The following WWOX variants were observed in gnomAD, a reference collection of about 807,000 sequenced individuals.
The protein encoded by WWOX is WW domain-containing oxidoreductase.
A neutral mutation model predicts 46.2 loss-of-function variants in WWOX; 69 were observed. The ratio of observed to expected loss-of-function variants is 1.49; its 90% confidence interval spans 1.23 to 1.82. The LOEUF is 1.82. Ranked by LOEUF, WWOX falls within the 40% of genes most tolerant of loss-of-function variation. The pLI is 0.00. For missense variants in WWOX, 919 were observed against 542.6 expected (o/e 1.69, Z -6.89); for synonymous variants, 359 against 202.6 (o/e 1.77, Z -6.56).
At chr16:78,791,500 TG>T (rs1421744769) in intron 8 of WWOX, among the ~76,000 whole-genome samples, 5 of 152,190 alleles carry the variant, frequency 3.3e-5, no homozygotes, top group African/African-American at 1.2e-4. Context: ...GTCGTGGTCT[TG>T]GCCTTTCTCT....
chr16:78,511,978 A>T (rs2085373214), intron 8 of WWOX, among the ~76,000 whole-genome samples: 1 of 152,234 alleles, frequency 6.6e-6, no homozygotes, highest in African/African-American at 2.4e-5. Context: ...TCATAGATCC[A>T]CTTTACATAT....
intron 8 of WWOX, among the ~76,000 whole-genome samples, chr16:78,806,540 T>G (rs943216272): frequency 7.9e-5 from 12 of 152,022 alleles, no homozygotes; most frequent in African/African-American, 2.9e-4. Context: ...TGCTGACTGG[T>G]GGGTGGGACC....
chr16:79,154,158 T>C (rs2050335412), intron 8 of WWOX, among the ~76,000 whole-genome samples: 4 of 152,188 alleles, frequency 2.6e-5, no homozygotes, highest in South Asian at 2.1e-4. Flanking sequence ...GTATGAAAAA[T>C]AGGCAACTTG....
chr16:78,336,247 C>A (rs1007520703), intron 5 of WWOX, among the ~76,000 whole-genome samples: 5 of 149,182 alleles, frequency 3.4e-5, no homozygotes, highest in Admixed American at 3.3e-4. Flanking sequence ...CTGAGGCAGG[C>A]AGATCACCTG....
Position 78,296,740 on chromosome 16 carries a change from A to G in WWOX, c.517-90120A>G, listed in dbSNP as rs1185066487. Among the ~76,000 whole-genome samples the G allele has an allele frequency of 2.0e-5, 3 of 152,128 alleles. No individual in the cohort carries two copies. In the East Asian group the frequency reaches 5.8e-4, roughly 29 times the overall value. ...CAGGGAGCTGCTGTTGTGTTTGTGCATTGTACAGCAATTCATATCTAAAAA... is the reference window on the plus strand; with the variant it reads ...CAGGGAGCTGCTGTTGTGTTTGTGCGTTGTACAGCAATTCATATCTAAAAA... On this transcript the variant is annotated intron_variant, in intron 5 of 8. Transcript: ENST00000566780.
At chr16:78,631,658 C>G (rs571814782) in intron 8 of WWOX, among the ~76,000 whole-genome samples, 3 of 151,732 alleles carry the variant, frequency 2.0e-5, no homozygotes, top group Admixed American at 2.0e-4. Flanking sequence ...CTTGCCTCAG[C>G]CCTCCAAGTA....
intron 8 of WWOX, among the ~76,000 whole-genome samples, chr16:78,532,965 A>G (rs1322092762): frequency 6.6e-6 from 1 of 152,230 alleles, no homozygotes; most frequent in Non-Finnish European, 1.5e-5. Context: ...AAGCAAGAGT[A>G]GGAGGGAACA....
chr16:78,732,446 C>G (rs967772730), intron 8 of WWOX, among the ~76,000 whole-genome samples: 6 of 152,178 alleles, frequency 3.9e-5, no homozygotes, highest in African/African-American at 1.4e-4. Context: ...ACTGAGCCCT[C>G]AGATGATTCC....
chr16:79,212,221 G>GAACACTTGCTT lies in WWOX; in HGVS notation c.*425_*426insAACACTTGCTT. The stretch of plus-strand genomic sequence containing the variant: ...CCTACTTAGGGAAGAAAAAGCAAGT[G>GAACACTTGCTT]TTCACTGCTCCTTGCTGCATTGATC... On this transcript the variant is annotated 3_prime_UTR_variant, in exon 9 of 9. Coordinates refer to ENST00000566780, the MANE Select transcript of WWOX (RefSeq NM_016373.4). 1 of 1,403,558 alleles carries GAACACTTGCTT rather than the reference G, an allele frequency of 7.1e-7. No homozygotes were observed. Among genetic ancestry groups the GAACACTTGCTT allele is most frequent in the Non-Finnish European group, 9.4e-7 (1 of 1,068,026 alleles). The allele number at this position is 1,403,558 out of a possible 1,614,324, so 86.9% of individuals were successfully genotyped here.
intron 5 of WWOX, among the ~76,000 whole-genome samples, chr16:78,188,352 G>A (rs913101289): frequency 2.6e-5 from 4 of 152,066 alleles, no homozygotes; most frequent in Non-Finnish European, 4.4e-5. Context: ...AGCCAATGTG[G>A]TGGTGGGTGC....
In WWOX at chr16:78,606,718, GTTT is replaced by G. The variant is rs59612285; in HGVS notation, c.1056+173988_1056+173990del. 8.4e-3 allele frequency among the ~76,000 whole-genome samples: 1,020 copies of G among 121,030 alleles called. 10 individuals carry two copies. The highest frequency in any genetic ancestry group is 0.012 in the Non-Finnish European group (735 of 61,298). The allele number at this position is 121,030 out of a possible 152,430, so 79.4% of individuals were successfully genotyped here. A position where few individuals can be genotyped will look rare whatever the true frequency, so the allele number is the denominator to read the frequency against. Reference sequence around the variant, plus strand: ...GAAAGGGCATTTCCCCAGAATTGCAGTTTTTTTTTTTTTTTTTTTTTTTTAAAT... The same window carrying G: ...GAAAGGGCATTTCCCCAGAATTGCAGTTTTTTTTTTTTTTTTTTTTTAAAT... On this transcript the variant is annotated intron_variant, in intron 8 of 8. Coordinates refer to ENST00000566780, the MANE Select transcript of WWOX (RefSeq NM_016373.4).
chr16:79,211,843 C>A lies in WWOX; in HGVS notation c.*47C>A. ...CACACACACCCGCCCTGTGTGTGTC[C>A]CCTCACGCAAGTGCCAGGGCTGGGC... On this transcript the variant is annotated 3_prime_UTR_variant, in exon 9 of 9. Coordinates refer to ENST00000566780, the MANE Select transcript of WWOX (RefSeq NM_016373.4). The A allele has an allele frequency of 1.9e-6, 3 of 1,611,076 alleles. No homozygotes were observed. Among genetic ancestry groups the A allele is most frequent in the South Asian group, 1.1e-5 (1 of 90,774 alleles).
At chr16:78,995,692 C>T (rs974093592) in intron 8 of WWOX, among the ~76,000 whole-genome samples, 1 of 152,144 alleles carries the variant, frequency 6.6e-6, no homozygotes, top group African/African-American at 2.4e-5. Context: ...ATTCTCAGGA[C>T]TGGTAAAGTG....
intron 8 of WWOX, among the ~76,000 whole-genome samples, chr16:78,952,155 C>G (rs1474990103): frequency 2.0e-5 from 3 of 152,062 alleles, no homozygotes; most frequent in African/African-American, 7.2e-5. Context: ...TCTACCCTCT[C>G]TTTTGGCTTC....
intron 6 of WWOX, among the ~76,000 whole-genome samples, chr16:78,406,712 C>G (rs994481049): frequency 3.3e-5 from 5 of 151,584 alleles, no homozygotes; most frequent in Admixed American, 6.6e-5. Context: ...CTGCAACCTC[C>G]TCCTCCGGGG....
intron 8 of WWOX, among the ~76,000 whole-genome samples, chr16:78,796,553 C>T (rs1018086652): frequency 1.3e-5 from 2 of 152,204 alleles, no homozygotes; most frequent in Non-Finnish European, 2.9e-5. Flanking sequence ...CTCAGGCTTG[C>T]TTTCTATTGT....
intron 8 of WWOX, among the ~76,000 whole-genome samples, chr16:78,786,769 C>T (rs767612717): frequency 1.3e-5 from 2 of 152,324 alleles, no homozygotes; most frequent in East Asian, 1.9e-4. Context: ...CAGGCAGTTA[C>T]ACAACATCTT....
intron 8 of WWOX, among the ~76,000 whole-genome samples, chr16:78,923,299 C>T (rs1231287037): frequency 5.3e-5 from 8 of 152,010 alleles, no homozygotes; most frequent in Admixed American, 5.2e-4. Context: ...TTTTCTTCCT[C>T]TCCTTCTACC....
In WWOX at chr16:78,358,803, T is replaced by C. The variant is rs559097476; in HGVS notation, c.517-28057T>C. On this transcript the variant is annotated intron_variant, in intron 5 of 8. Coordinates refer to ENST00000566780, the MANE Select transcript of WWOX (RefSeq NM_016373.4). ...TCAGGAACAATTACTGTGAATTTTGTGTAGCTCTTTCTGACTTTTTAAAAT... is the reference window on the plus strand; with the variant it reads ...TCAGGAACAATTACTGTGAATTTTGCGTAGCTCTTTCTGACTTTTTAAAAT... Among the ~76,000 whole-genome samples, 385 of 151,924 alleles carry C rather than the reference T, an allele frequency of 2.5e-3. 2 individuals carry two copies. The highest frequency in any genetic ancestry group is 9.0e-3 in the African/African-American group (373 of 41,474).
Sources: allele counts gnomAD v4.1 joint callset (sites outside exome capture counted in the v4.1 genomes callset), GRCh38; gene constraint gnomAD v4.1.1; transcripts MANE v1.5; gene names NCBI Gene and HGNC (gene_info 2026-07-23, HGNC 2026-07-21).